CYB5R4: variants seen among roughly 807,000 people sequenced by gnomAD.
CYB5R4 encodes cytochrome b5 reductase 4, also known as N-terminal cytochrome b5 and cytochrome b5 oxidoreductase domain-containing protein.
Under a neutral mutation model 70.2 loss-of-function variants are expected in CYB5R4, and 55 were observed. The observed-to-expected ratio is 0.78, with a 90% CI of 0.63 to 0.98. The LOEUF (loss-of-function observed/expected upper bound fraction) is 0.98, where lower values mean the gene tolerates loss of function less well. CYB5R4 is among the 50% of genes least tolerant of loss of function. CYB5R4 has a pLI of 0.00. For missense variants in CYB5R4, 562 were observed against 612.6 expected, an observed-to-expected ratio of 0.92 and a Z score of 0.87; for synonymous variants, 197 against 199.5, an observed-to-expected ratio of 0.99 and a Z score of 0.11.
chr6:83,892,837 T>C (rs1024725881), intron 2 of CYB5R4, among the ~76,000 whole-genome samples: 3 of 151,790 alleles, frequency 2.0e-5, no homozygotes, highest in African/African-American at 4.9e-5. Flanking sequence ...TCTCTCTCTC[T>C]CTTCCTCTCT....
At chr6:83,909,744 G>A (rs61762813) in intron 4 of CYB5R4, among the ~76,000 whole-genome samples, 1,999 of 152,214 alleles carry the variant, frequency 0.013, 27 homozygotes, top group Admixed American at 0.019. Context: ...TTTTCTTTTA[G>A]TATATGCCAG....
At chr6:83,919,075 A>G (rs185626525) in intron 6 of CYB5R4, among the ~76,000 whole-genome samples, 1 of 152,132 alleles carries the variant, frequency 6.6e-6, no homozygotes, top group Non-Finnish European at 1.5e-5. Flanking sequence ...CTCTTTAACA[A>G]AATATGTTGT....
intron 3 of CYB5R4, among the ~76,000 whole-genome samples, chr6:83,899,932 A>AT (rs911589107): frequency 2.0e-5 from 3 of 151,812 alleles, no homozygotes. Flanking sequence ...GGATTCATTG[A>AT]TTTTTTTGAA....
intron 3 of CYB5R4, among the ~76,000 whole-genome samples, chr6:83,904,945 T>C (rs753096721): frequency 1.3e-5 from 2 of 152,196 alleles, no homozygotes; most frequent in Non-Finnish European, 2.9e-5. Flanking sequence ...CCTTTGGAAG[T>C]GTCATATTTC....
At chr6:83,918,121 C>T in intron 6 of CYB5R4, 56 bp downstream of exon 6, 11 of 1,330,408 alleles carry the variant, frequency 8.3e-6, no homozygotes, top group South Asian at 1.2e-5. Context: ...CAAAAATGTA[C>T]ACATTTAAAA....
intron 3 of CYB5R4, among the ~76,000 whole-genome samples, chr6:83,897,778 G>C (rs1176640642): frequency 1.3e-5 from 2 of 152,156 alleles, no homozygotes; most frequent in Non-Finnish European, 2.9e-5. Context: ...GTTCTTTGTA[G>C]ATTCTGGATA....
intron 4 of CYB5R4, among the ~76,000 whole-genome samples, chr6:83,911,757 G>A (rs528967879): frequency 3.9e-5 from 6 of 152,082 alleles, no homozygotes; most frequent in Admixed American, 2.0e-4. Flanking sequence ...TAAAAAGAGC[G>A]TATCATCTGG....
intron 15 of CYB5R4, among the ~76,000 whole-genome samples, chr6:83,958,005 T>A (rs1043144065): frequency 1.3e-4 from 20 of 152,188 alleles, no homozygotes; most frequent in Non-Finnish European, 2.4e-4. Flanking sequence ...TTCTTGTGAT[T>A]GTGATGTCCA....
intron 2 of CYB5R4, among the ~76,000 whole-genome samples, chr6:83,877,319 C>G (rs765857477): frequency 1.3e-5 from 2 of 152,146 alleles, no homozygotes; most frequent in Non-Finnish European, 1.5e-5. Context: ...GATGAGAACT[C>G]TACCATCATT....
rs560589679 is a variant in CYB5R4 at position 83,945,639 on chromosome 6, A to G, written c.1346+5038A>G. Reference sequence around the variant, plus strand: ...AAAATCAATGACTCCAGGAGCTGGTATTTTGAAAAGAATAACAGAATGGAT... The same window carrying G: ...AAAATCAATGACTCCAGGAGCTGGTGTTTTGAAAAGAATAACAGAATGGAT... On this transcript the variant is annotated intron_variant, in intron 14 of 15. Transcript: ENST00000369681. Among the ~76,000 whole-genome samples, 17 of 152,208 alleles carry G rather than the reference A, an allele frequency of 1.1e-4. No homozygotes were observed. The East Asian group carries it at 3.3e-3, about 29-fold the overall frequency.
intron 10 of CYB5R4, among the ~76,000 whole-genome samples, chr6:83,926,578 A>C (rs377454793): frequency 7.9e-5 from 12 of 152,220 alleles, no homozygotes; most frequent in East Asian, 5.8e-4. Context: ...ATTAGAGCCA[A>C]CTTAATTACC....
chr6:83,898,181 T>G (rs2099462234), intron 3 of CYB5R4, among the ~76,000 whole-genome samples: 1 of 152,238 alleles, frequency 6.6e-6, no homozygotes. Flanking sequence ...TTTCTACATA[T>G]GGCTAGCCAG....
chr6:83,924,605 C>A lies in CYB5R4; in HGVS notation c.814+13C>A. 1.2e-6 allele frequency: 2 copies of A among 1,608,246 alleles called. No individual in the cohort carries two copies. Among genetic ancestry groups the A allele is most frequent in the Non-Finnish European group, 1.7e-6 (2 of 1,177,372 alleles). Reference sequence around the variant, plus strand: ...AGGAAAGATACAGGTATGCTGTGTTCTTTTGTTACGTTAATTTCACATTCA... The same window carrying A: ...AGGAAAGATACAGGTATGCTGTGTTATTTTGTTACGTTAATTTCACATTCA... On this transcript the variant is annotated intron_variant, in intron 10 of 15. Coordinates refer to ENST00000369681, the MANE Select transcript of CYB5R4 (RefSeq NM_016230.4).
chr6:83,905,059 T>C (rs1340972572), intron 3 of CYB5R4, among the ~76,000 whole-genome samples: 1 of 152,108 alleles, frequency 6.6e-6, no homozygotes, highest in African/African-American at 2.4e-5. Flanking sequence ...TTTGTTTGTT[T>C]TTTGTTTTGT....
intron 5 of CYB5R4, among the ~76,000 whole-genome samples, chr6:83,916,691 G>A (rs1430048237): frequency 6.6e-6 from 1 of 152,116 alleles, no homozygotes; most frequent in South Asian, 2.1e-4. Context: ...GAATGAGTAA[G>A]GCCTGGACTC....
At position 83,960,564 on chromosome 6, in the gene CYB5R4, G is replaced by C. The variant is rs1051136365; in HGVS notation, c.*686G>C. The C allele has an allele frequency of 7.9e-5, 12 of 152,194 alleles. No homozygotes were observed. The highest frequency in any genetic ancestry group is 2.9e-4 in the African/African-American group (12 of 41,440). 9.4% of individuals were successfully genotyped at this position (152,194 alleles called of 1,614,324 possible). On this transcript the variant is annotated 3_prime_UTR_variant, in exon 16 of 16. Transcript: ENST00000369681. ...GACTAGGTGTGTTAACAGAGCTTGA[G>C]AGAGGGAACCTTGACAGCTATTTTT...
At chr6:83,905,629 G>T (rs1027635667) in intron 3 of CYB5R4, among the ~76,000 whole-genome samples, 1 of 152,090 alleles carries the variant, frequency 6.6e-6, no homozygotes, top group African/African-American at 2.4e-5. Context: ...GGCTAAGTGT[G>T]TCTGTCCTTG....
intron 3 of CYB5R4, among the ~76,000 whole-genome samples, chr6:83,898,019 G>A (rs1486338298): frequency 6.6e-6 from 1 of 152,004 alleles, no homozygotes; most frequent in Admixed American, 6.6e-5. Flanking sequence ...GGTTTTTATG[G>A]TTTTAAACAT....
intron 2 of CYB5R4, among the ~76,000 whole-genome samples, chr6:83,892,836 C>G (rs1562831892): frequency 6.6e-6 from 1 of 152,020 alleles, no homozygotes; most frequent in South Asian, 2.1e-4. Context: ...TTCTCTCTCT[C>G]TCTTCCTCTC....
Sources: gnomAD v4.1 joint callset for allele counts (sites outside exome capture counted in the v4.1 genomes callset) on GRCh38, gnomAD v4.1.1 for gene constraint, MANE v1.5 for transcripts, NCBI Gene and HGNC (gene_info 2026-07-23, HGNC 2026-07-21) for gene names.